Variants in CDYL2 observed in about 807,000 individuals in gnomAD.
The protein encoded by CDYL2 is chromodomain Y like 2.
In CDYL2, 23 loss-of-function variants were observed where a neutral mutation model predicts 49.4. The ratio of observed to expected loss-of-function variants is 0.47; its 90% CI spans 0.34 to 0.66. CDYL2 has a LOEUF of 0.66. CDYL2 is among the 30% of genes least tolerant of loss of function. The pLI, the probability that CDYL2 is intolerant of heterozygous loss-of-function variation, is 0.01. For synonymous variants in CDYL2, 360 were observed against 268.8 expected, an observed-to-expected ratio of 1.34 and a Z score of -3.32; for missense variants, 678 against 656.4, an observed-to-expected ratio of 1.03 and a Z score of -0.36.
At chr16:80,691,171 A>AC (rs1387902579) in intron 1 of CDYL2, among the ~76,000 whole-genome samples, 21 of 152,134 alleles carry the variant, frequency 1.4e-4, no homozygotes, top group African/African-American at 5.1e-4. Context: ...TGTACCTCAA[A>AC]CCCCACATCC....
intron 1 of CDYL2, among the ~76,000 whole-genome samples, chr16:80,755,797 T>G (rs1179660654): frequency 6.6e-6 from 1 of 152,178 alleles, no homozygotes; most frequent in African/African-American, 2.4e-5. Context: ...TTTCTCCAAT[T>G]TTATCAAACG....
intron 5 of CDYL2, among the ~76,000 whole-genome samples, chr16:80,609,425 CT>C (rs1906495397): frequency 6.6e-6 from 1 of 152,214 alleles, no homozygotes; most frequent in Non-Finnish European, 1.5e-5. Context: ...GGTTGTGTCA[CT>C]GATGGTTCGT....
chr16:80,726,429 T>A (rs1373324607), intron 1 of CDYL2, among the ~76,000 whole-genome samples: 3 of 152,216 alleles, frequency 2.0e-5, no homozygotes, highest in South Asian at 2.1e-4. Flanking sequence ...CTGAAAAAAA[T>A]TTCTAATTGC....
chr16:80,755,581 A>T (rs951943535), intron 1 of CDYL2, among the ~76,000 whole-genome samples: 44 of 152,340 alleles, frequency 2.9e-4, no homozygotes, highest in Admixed American at 6.5e-4. Context: ...TTGCTTCTAG[A>T]AACTTATCCC....
At chr16:80,760,280 G>C (rs1413758317) in intron 1 of CDYL2, among the ~76,000 whole-genome samples, 5 of 152,130 alleles carry the variant, frequency 3.3e-5, no homozygotes, top group African/African-American at 9.7e-5. Context: ...CACTGCCTCT[G>C]GCTCATTAAA....
intron 1 of CDYL2, among the ~76,000 whole-genome samples, chr16:80,762,662 A>G (rs1026648783): frequency 6.6e-6 from 1 of 152,194 alleles, no homozygotes; most frequent in Non-Finnish European, 1.5e-5. Context: ...TAACCCCAAA[A>G]TTATCCTTTT....
chr16:80,633,441 C>G (rs1370859050), intron 2 of CDYL2, among the ~76,000 whole-genome samples: 4 of 152,142 alleles, frequency 2.6e-5, no homozygotes, highest in Non-Finnish European at 4.4e-5. Flanking sequence ...AGAAGGGGAC[C>G]TAGAGGGCTC....
intron 1 of CDYL2, among the ~76,000 whole-genome samples, chr16:80,745,969 C>G (rs1182856814): frequency 2.0e-5 from 3 of 152,194 alleles, no homozygotes; most frequent in Admixed American, 2.0e-4. Flanking sequence ...GATACCCCCT[C>G]CTGCTATCAA....
chr16:80,739,915 G>A (rs1309108394), intron 1 of CDYL2, among the ~76,000 whole-genome samples: 1 of 152,216 alleles, frequency 6.6e-6, no homozygotes, highest in Non-Finnish European at 1.5e-5. Flanking sequence ...GCCCAAGTCT[G>A]TGGAGCACAA....
At chr16:80,736,446 G>A (rs947659656) in intron 1 of CDYL2, 3 of 152,228 alleles carry the variant, frequency 2.0e-5, no homozygotes, top group Non-Finnish European at 4.4e-5. Context: ...ACATGACAGT[G>A]AGCAAGAGAG....
chr16:80,748,458 C>T lies in CDYL2; in HGVS notation c.24+55692G>A, dbSNP rs558803841. ...AGGAGAATGGCGTGAACCTGGGAGG[C>T]GGATCGCGCCACTGCCCTCCAGCCT... On this transcript the variant is annotated intron_variant, in intron 1 of 6. Transcript: ENST00000570137. Among the ~76,000 whole-genome samples the T allele has an allele frequency of 9.2e-5, 11 of 119,636 alleles. No individual in the cohort carries two copies. The South Asian group carries it at 2.4e-3, about 26-fold the overall frequency. 78.5% of individuals were successfully genotyped at this position (119,636 alleles called of 152,430 possible). A position where few individuals can be genotyped will look rare whatever the true frequency, so the allele number is the denominator to read the frequency against.
At chr16:80,794,504 A>T (rs1165606781) in intron 1 of CDYL2, among the ~76,000 whole-genome samples, 1 of 151,734 alleles carries the variant, frequency 6.6e-6, no homozygotes, top group Admixed American at 6.6e-5. Flanking sequence ...ACATGGCTGC[A>T]CCTTTTAACA....
rs112462375 is a variant in CDYL2 at position 80,676,053 on chromosome 16, T to C, written c.616+8485A>G. ...TCAGGAGCCAAGCGGGGAGAATCGA[T>C]TCTCCCCTTGGATCTGCCATAGGTC... On this transcript the variant is annotated intron_variant, in intron 2 of 6. Transcript: ENST00000570137. Among the ~76,000 whole-genome samples, 118 of 152,190 alleles carry C rather than the reference T, an allele frequency of 7.8e-4. 2 individuals carry two copies. Among genetic ancestry groups the C allele is most frequent in the African/African-American group, 2.7e-3 (113 of 41,542 alleles).
intron 6 of CDYL2, 150 bp downstream of exon 6, chr16:80,607,942 G>A (rs1906416556): frequency 1.1e-6 from 1 of 891,362 alleles, no homozygotes. Flanking sequence ...TGTCAATACT[G>A]AGAAAAGGCA....
chr16:80,660,635 T>C (rs1567559900), intron 2 of CDYL2, among the ~76,000 whole-genome samples: 1 of 152,196 alleles, frequency 6.6e-6, no homozygotes, highest in Non-Finnish European at 1.5e-5. Context: ...TCTCAATAAT[T>C]ACATTATTCT....
chr16:80,788,199 C>T (rs929243507), intron 1 of CDYL2, among the ~76,000 whole-genome samples: 6 of 152,206 alleles, frequency 3.9e-5, no homozygotes, highest in Admixed American at 2.6e-4. Flanking sequence ...AATCAGTCTT[C>T]TCACTGCTAA....
intron 1 of CDYL2, among the ~76,000 whole-genome samples, chr16:80,800,906 T>G (rs1907906120): frequency 6.6e-6 from 1 of 152,220 alleles, no homozygotes; most frequent in Non-Finnish European, 1.5e-5. Flanking sequence ...GGTTGCAAAC[T>G]CTAAAGTCTA....
At chr16:80,660,622 A>G (rs991576950) in intron 2 of CDYL2, among the ~76,000 whole-genome samples, 31 of 152,234 alleles carry the variant, frequency 2.0e-4, no homozygotes, top group African/African-American at 6.3e-4. Flanking sequence ...AATAATCCAA[A>G]TATCTCAATA....
intron 1 of CDYL2, among the ~76,000 whole-genome samples, chr16:80,727,883 A>T (rs879825904): frequency 3.9e-5 from 6 of 152,196 alleles, no homozygotes; most frequent in Non-Finnish European, 7.3e-5. Flanking sequence ...CTTGCAGCTG[A>T]GGGTCCTGTC....
Sources: gnomAD v4.1 joint callset for allele counts (sites outside exome capture counted in the v4.1 genomes callset) on GRCh38, gnomAD v4.1.1 for gene constraint, MANE v1.5 for transcripts, NCBI Gene and HGNC (gene_info 2026-07-23, HGNC 2026-07-21) for gene names.